The following ATRN variants were observed in gnomAD, a reference collection of about 807,000 sequenced individuals.
ATRN encodes attractin-2.
ATRN carries 54 observed loss-of-function variants against 178.7 expected under a neutral mutation model. The ratio of observed to expected loss-of-function variants is 0.30; its 90% CI spans 0.24 to 0.38. The LOEUF (loss-of-function observed/expected upper bound fraction) is 0.38. Among genes scored for constraint, ATRN ranks in the 10% least tolerant of loss-of-function variants. The pLI is 1.00. For missense variants in ATRN, 1,443 were observed against 1,815.1 expected, an observed-to-expected ratio of 0.79 and a Z score of 3.73; for synonymous variants, 636 against 663.0, an observed-to-expected ratio of 0.96 and a Z score of 0.63.
At chr20:3,637,200 T>A (rs1342448882) in intron 26 of ATRN, among the ~76,000 whole-genome samples, 1 of 152,252 alleles carries the variant, frequency 6.6e-6, no homozygotes, top group African/African-American at 2.4e-5. Flanking sequence ...AGAATATATT[T>A]CATCATTTTT....
Position 3,582,155 on chromosome 20 carries a change from AT to A in ATRN, c.2566del (p.Trp856GlyfsTer49). The A allele has an allele frequency of 6.2e-7, 1 of 1,614,156 alleles. No individual in the cohort carries two copies. Among genetic ancestry groups the A allele is most frequent in the Non-Finnish European group, 8.5e-7 (1 of 1,179,982 alleles). On this transcript the variant is annotated frameshift_variant, in exon 16 of 29. Coordinates refer to ENST00000262919, the MANE Select transcript of ATRN (RefSeq NM_139321.3). LOFTEE classifies it high-confidence loss of function. Reference protein sequence around the residue: ...QSMSKLTLTPWVGLRKINVSY... With the variant: ...QSMSKLTLTPXVGLRKINVSY... ...TTTAGTCCAAGCTCACCTTAACCCC[AT>A]GGGTCGGCCTTCGGAAGATCAATGT... is the stretch of plus-strand genomic sequence containing the variant.
chr20:3,492,003 A>C (rs1357982678), intron 1 of ATRN, among the ~76,000 whole-genome samples: 2 of 152,028 alleles, frequency 1.3e-5, no homozygotes, highest in South Asian at 4.2e-4. Context: ...ATTGCTATAT[A>C]TTTACGTGGA....
chr20:3,471,356 C>G lies in ATRN; in HGVS notation c.249C>G (p.Ala83=). The G allele has an allele frequency of 3.4e-6, 5 of 1,482,174 alleles. No homozygotes were observed. The highest frequency in any genetic ancestry group is 4.4e-6 in the Non-Finnish European group (5 of 1,125,612). 91.8% of individuals were successfully genotyped at this position (1,482,174 alleles called of 1,614,324 possible). A position where few individuals can be genotyped will look rare whatever the true frequency, so the allele number is the denominator to read the frequency against. The part of the protein sequence containing the change: ...LLLLLPCEAE[A]AAAAAAVSGS... ...TGCTGCTGCCCTGTGAGGCCGAGGC[C>G]GCGGCGGCGGCGGCGGCGGTGTCGG... The change falls in exon 1 of 29, where the codon GCC becomes GCG. Residue 83 remains alanine, a synonymous_variant. Coordinates refer to ENST00000262919, the MANE Select transcript of ATRN (RefSeq NM_139321.3).
intron 24 of ATRN, among the ~76,000 whole-genome samples, chr20:3,614,387 ACT>A (rs1452915255): frequency 1.3e-5 from 2 of 152,024 alleles, no homozygotes; most frequent in Non-Finnish European, 2.9e-5. Flanking sequence ...CTCGTTCCCG[ACT>A]CTGCAACAGA....
chr20:3,505,382 G>T (rs1417618364), intron 1 of ATRN, among the ~76,000 whole-genome samples: 2 of 152,088 alleles, frequency 1.3e-5, no homozygotes, highest in African/African-American at 4.8e-5. Flanking sequence ...TGGTTCTCAG[G>T]CTTTGGGCTT....
rs1276175696 is a variant in ATRN at position 3,582,137 on chromosome 20, C to T, written c.2547C>T (p.Ser849=). The change falls in exon 16 of 29, where the codon TCC becomes TCT. Residue 849 remains serine, a splice_region_variant and synonymous_variant. Coordinates refer to ENST00000262919, the MANE Select transcript of ATRN (RefSeq NM_139321.3). ...LRIMQSSQSM[S]KLTLTPWVGL... ...AGTTGTGTCTCTTTTGCCTTTAGTC[C>T]AAGCTCACCTTAACCCCATGGGTCG... The T allele has an allele frequency of 1.9e-6, 3 of 1,613,500 alleles. No homozygotes were observed. The highest frequency in any genetic ancestry group is 1.7e-6 in the Non-Finnish European group (2 of 1,179,630).
chr20:3,516,759 A>T (rs2085211156), intron 1 of ATRN, among the ~76,000 whole-genome samples: 1 of 152,042 alleles, frequency 6.6e-6, no homozygotes. Context: ...TTCTTGTGTT[A>T]GTTTGCTGAG....
intron 18 of ATRN, among the ~76,000 whole-genome samples, chr20:3,587,487 T>C (rs2086374377): frequency 6.6e-6 from 1 of 152,178 alleles, no homozygotes; most frequent in Admixed American, 6.5e-5. Context: ...ATTTTTTTTT[T>C]TTTTTAACCA....
intron 1 of ATRN, among the ~76,000 whole-genome samples, chr20:3,500,059 T>G (rs2084935827): frequency 6.6e-6 from 1 of 152,164 alleles, no homozygotes; most frequent in African/African-American, 2.4e-5. Flanking sequence ...AAGACATTTA[T>G]GCAGCCAAAA....
At chr20:3,604,403 G>A (rs974514608) in intron 24 of ATRN, 141 bp downstream of exon 24, 47 of 955,072 alleles carry the variant, frequency 4.9e-5, no homozygotes, top group Non-Finnish European at 6.5e-5. Context: ...GAGGAGTGCT[G>A]AGCACATGCA....
chr20:3,631,345 GA>G (rs1364382576), intron 25 of ATRN, among the ~76,000 whole-genome samples: 2 of 152,058 alleles, frequency 1.3e-5, no homozygotes, highest in East Asian at 3.8e-4. Context: ...ATAATATATG[GA>G]AAAAAGAACA....
At chr20:3,489,625 A>G in intron 1 of ATRN, 2 of 1,457,448 alleles carry the variant, frequency 1.4e-6, no homozygotes, top group Non-Finnish European at 1.9e-6. Flanking sequence ...TCAGGCTGCC[A>G]TCATTCTGAA....
intron 23 of ATRN, among the ~76,000 whole-genome samples, chr20:3,602,463 A>G (rs1326964824): frequency 3.9e-5 from 6 of 152,248 alleles, no homozygotes; most frequent in African/African-American, 1.4e-4. Context: ...TACTATTACA[A>G]TACTGGGTTT....
At chr20:3,519,102 G>A (rs2085250633) in intron 1 of ATRN, among the ~76,000 whole-genome samples, 1 of 151,782 alleles carries the variant, frequency 6.6e-6, no homozygotes, top group Non-Finnish European at 1.5e-5. Flanking sequence ...TGTAGCAAGA[G>A]GCAAGGACCA....
chr20:3,509,498 T>A lies in ATRN; in HGVS notation c.411-25755T>A, dbSNP rs1195529430. On this transcript the variant is annotated intron_variant, in intron 1 of 28. Coordinates refer to ENST00000262919, the MANE Select transcript of ATRN (RefSeq NM_139321.3). ...AGATGTCAGAGGTACATGTTAACAA[T>A]TTTTTTTTTTTTTTTGGAGACAGGA... Among the ~76,000 whole-genome samples, 5 of 75,968 alleles carry A rather than the reference T, an allele frequency of 6.6e-5. No homozygotes were observed. The South Asian group carries it at 1.4e-3, about 21-fold the overall frequency. The allele number at this position is 75,968 out of a possible 152,430, so 49.8% of individuals were successfully genotyped here. A position where few individuals can be genotyped will look rare whatever the true frequency, so the allele number is the denominator to read the frequency against.
chr20:3,549,943 C>T (rs1214248062), intron 6 of ATRN, among the ~76,000 whole-genome samples: 1 of 152,168 alleles, frequency 6.6e-6, no homozygotes, highest in Non-Finnish European at 1.5e-5. Context: ...GCAGTGGTGG[C>T]CTAGTTTCTG....
intron 1 of ATRN, among the ~76,000 whole-genome samples, chr20:3,478,232 A>T (rs1435567034): frequency 6.6e-6 from 1 of 152,184 alleles, no homozygotes; most frequent in African/African-American, 2.4e-5. Context: ...TCTAAAAAAC[A>T]TGTGTCTCTA....
intron 1 of ATRN, among the ~76,000 whole-genome samples, chr20:3,530,230 T>A (rs192784896): frequency 0.011 from 1,636 of 147,574 alleles, 10 homozygotes; most frequent in South Asian, 0.024. Flanking sequence ...TATATATATA[T>A]AATATATATA....
chr20:3,636,990 C>A (rs997504007), intron 26 of ATRN, among the ~76,000 whole-genome samples: 1 of 152,058 alleles, frequency 6.6e-6, no homozygotes, highest in Non-Finnish European at 1.5e-5. Flanking sequence ...TTAAGTATAT[C>A]AAAAAATAAA....
Sources: allele counts gnomAD v4.1 joint callset (sites outside exome capture counted in the v4.1 genomes callset), GRCh38; gene constraint gnomAD v4.1.1; transcripts MANE v1.5; gene names NCBI Gene and HGNC (gene_info 2026-07-23, HGNC 2026-07-21).